Variants in FAT2 observed in about 807,000 individuals in gnomAD.
FAT2 encodes FAT atypical cadherin 2.
A neutral mutation model predicts 295.3 loss-of-function variants in FAT2; 150 were observed. That is an observed-to-expected ratio of 0.51 (90% CI 0.44 to 0.58). The LOEUF is 0.58. Among genes scored for constraint, FAT2 ranks in the 20% least tolerant of loss-of-function variants. FAT2 has a pLI of 0.00. For missense variants in FAT2, 4,868 were observed against 5,442.7 expected (o/e 0.89, Z 3.32); for synonymous variants, 2,026 against 2,150.3 (o/e 0.94, Z 1.60).
chr5:151,512,571 A>G lies in FAT2; in HGVS notation c.11499T>C (p.Cys3833=). ...AAAGGTTTCCATAGAAACCACCCAG[A>G]CAGTGGTATTCCAGCTGGGGCACTC... ...ASGVPQLEYH[C]LGGFYGNLSS... is the part of the protein sequence containing the mutation. The change falls in exon 21 of 24, where the codon TGT becomes TGC. Residue 3833 remains cysteine, a synonymous_variant. Coordinates refer to ENST00000261800, the MANE Select transcript of FAT2 (RefSeq NM_001447.3). This position sits in a 1 kb window ranked among gnomAD's most constrained non-coding sequence, Gnocchi z 4.1. 6.2e-7 allele frequency: 1 copy of G among 1,613,650 alleles called. No individual in the cohort carries two copies.
Position 151,507,465 on chromosome 5 carries a change from T to G in FAT2, c.12206A>C (p.Tyr4069Ser), listed in dbSNP as rs1320947638. ...CTTGTGAGACTTGCAACGGCGGCAG[T>G]AGAAGAGAAGCCCGACAGTGCTTAT... ...IIISTVGLLFYCRRCKSHKPV... is the reference protein window; with the variant it reads ...IIISTVGLLFSCRRCKSHKPV... The change falls in exon 23 of 24, where the codon TAC becomes TCC. Residue 4069 changes from tyrosine (Y) to serine (S), a missense_variant. Transcript: ENST00000261800. 6.2e-7 allele frequency: 1 copy of G among 1,614,068 alleles called. No homozygotes were observed. The highest frequency in any genetic ancestry group is 1.3e-5 in the African/African-American group (1 of 75,010).
chr5:151,535,667 C>T (rs990004788), intron 12 of FAT2, among the ~76,000 whole-genome samples: 8 of 152,150 alleles, frequency 5.3e-5, no homozygotes, highest in Non-Finnish European at 1.2e-4. Context: ...AAGAAGGAGT[C>T]GTGGGAGCCC....
At chr5:151,521,148 G>T in intron 19 of FAT2, 128 bp downstream of exon 19, 3 of 872,832 alleles carry the variant, frequency 3.4e-6, no homozygotes, top group Non-Finnish European at 5.1e-6. Flanking sequence ...TATGGTGATT[G>T]GTGGCCTTTG....
chr5:151,566,186 C>G lies in FAT2; in HGVS notation c.2746G>C (p.Glu916Gln), dbSNP rs2127645476. The change falls in exon 2 of 24, where the codon GAG becomes CAG. Residue 916 changes from glutamate (E) to glutamine (Q), a missense_variant. Physicochemically the swap from Glu to Gln is conservative, Grantham distance 29. Transcript: ENST00000261800. ...FSVTDLIITL[E>Q]DVNDNSPQCI... ...TGGGGAGAGTTGTCGTTGACATCCT[C>G]CAATGTGATTATCAGGTCAGTGACA... The G allele has an allele frequency of 2.5e-6, 4 of 1,614,124 alleles. 1 individual carries two copies. Among genetic ancestry groups the G allele is most frequent in the South Asian group, 1.1e-5 (1 of 91,064 alleles).
intron 7 of FAT2, 55 bp from the exon 8 acceptor site, chr5:151,550,926 T>G (rs1429960972): frequency 6.5e-7 from 1 of 1,549,934 alleles, no homozygotes; most frequent in Non-Finnish European, 8.8e-7. Flanking sequence ...GAACAGGGAC[T>G]GGGTCTGTCT....
At position 151,528,023 on chromosome 5, in the gene FAT2, C is replaced by G. The variant is rs771593997; in HGVS notation, c.10137G>C (p.Gln3379His). Residue 3379 changes from glutamine to histidine, a missense_variant, in exon 16 of 24, where the codon CAG (glutamine) becomes CAC (histidine). Gln to His is a conservative substitution (Grantham distance 24, BLOSUM62 0). Coordinates refer to ENST00000261800, the MANE Select transcript of FAT2 (RefSeq NM_001447.3). Reference protein sequence around the residue: ...FTIHPKKGELQVAKALDREQA... With the variant: ...FTIHPKKGELHVAKALDREQA... ...GTTCCCGGTCCAGGGCCTTGGCCAC[C>G]TGTAGCTCCCCCTTTTTGGGGTGAA... The G allele has an allele frequency of 6.2e-7, 1 of 1,614,236 alleles. No individual in the cohort carries two copies. Among genetic ancestry groups the G allele is most frequent in the South Asian group, 1.1e-5 (1 of 91,080 alleles).
At position 151,568,486 on chromosome 5, in the gene FAT2, G is replaced by A. The variant is rs778216073; in HGVS notation, c.446C>T (p.Ser149Phe). 8 of 1,614,058 alleles carry A rather than the reference G, an allele frequency of 5.0e-6. 1 individual carries two copies. The Admixed American group carries it at 6.7e-5, about 13-fold the overall frequency. Residue 149 changes from serine to phenylalanine, a missense_variant, in exon 2 of 24, where the codon TCT becomes TTT. Coordinates refer to ENST00000261800, the MANE Select transcript of FAT2 (RefSeq NM_001447.3). ...LDQNDLKPLFSPPSYRVTISE... is the reference protein window; with the variant it reads ...LDQNDLKPLFFPPSYRVTISE... ...GATGGTGACTCTGTACGAAGGTGGA[G>A]AGAAGAGAGGCTTCAGGTCATTCTG...
chr5:151,540,147 A>G (rs1755953418), intron 11 of FAT2, among the ~76,000 whole-genome samples: 1 of 152,210 alleles, frequency 6.6e-6, no homozygotes, highest in African/African-American at 2.4e-5. Context: ...TGTTCTGCAG[A>G]GAAATAGACC....
rs751461244 is a variant in FAT2 at position 151,521,280 on chromosome 5, G to T, written c.11313C>A (p.Cys3771Ter). ...PRHHLQRSCS[C>*]NGTATRFSGQ... ...TAGGGAAGATGTAGTACTTACCATT[G>T]CAGGAGCAGCTCCTCTGCAGGTGGT... Residue 3771 changes from cysteine (C) to a stop codon, truncating the protein, a stop_gained, in exon 19 of 24, where the codon TGC (cysteine) becomes TGA (stop). Transcript: ENST00000261800. LOFTEE classifies it high-confidence loss of function. 6.2e-7 allele frequency: 1 copy of T among 1,604,782 alleles called. No individual in the cohort carries two copies. Among genetic ancestry groups the T allele is most frequent in the Non-Finnish European group, 8.5e-7 (1 of 1,173,934 alleles).
At chr5:151,533,101 TAGG>T (rs1291591736) in intron 13 of FAT2, among the ~76,000 whole-genome samples, 1 of 152,112 alleles carries the variant, frequency 6.6e-6, no homozygotes, top group Admixed American at 6.6e-5. Flanking sequence ...AGGAGCTATC[TAGG>T]AGATCTGTGT....
At chr5:151,579,950 G>C (rs1194874265) in intron 1 of FAT2, among the ~76,000 whole-genome samples, 1 of 152,176 alleles carries the variant, frequency 6.6e-6, no homozygotes, top group Non-Finnish European at 1.5e-5. Flanking sequence ...AGGAGCCCCA[G>C]AGCCCCATTC....
intron 5 of FAT2, among the ~76,000 whole-genome samples, chr5:151,554,016 T>C (rs368665545): frequency 3.3e-5 from 5 of 152,336 alleles, no homozygotes; most frequent in Admixed American, 6.5e-5. Flanking sequence ...ATTTTACAAA[T>C]GATAAAGGTT....
Position 151,567,804 on chromosome 5 carries a change from A to G in FAT2, c.1128T>C (p.Pro376=). ...TCACCATCACCACGCGGCTGCCAGG[A>G]GGGGAAAACTCACTAAGCTGCACTC... ...VYRVQLSEFS[P]PGSRVVMVRV... The change falls in exon 2 of 24, where the codon CCT becomes CCC. Residue 376 remains proline, a synonymous_variant. Transcript: ENST00000261800. 1.2e-6 allele frequency: 2 copies of G among 1,614,118 alleles called. No individual in the cohort carries two copies. The highest frequency in any genetic ancestry group is 2.2e-5 in the South Asian group (2 of 91,068).
In FAT2 at chr5:151,544,434, C is replaced by G; in HGVS notation, c.6693G>C (p.Leu2231Phe). The change falls in exon 10 of 24, where the codon TTG becomes TTC. Residue 2231 changes from leucine (L) to phenylalanine (F), a missense_variant. This residue lies in a region of FAT2 where 3,297 missense variants were observed against 3,669.4 expected (regional missense o/e 0.90). Transcript: ENST00000261800. ...CATGTTTGGTCTTGGACTCATAGTC[C>G]AAAGGCCCTGTTACTGTTAGGACAC... The part of the protein sequence containing the change: ...KTGVLTVTGP[L>F]DYESKTKHVF... 6.2e-7 allele frequency: 1 copy of G among 1,614,116 alleles called. No individual in the cohort carries two copies. The highest frequency in any genetic ancestry group is 8.5e-7 in the Non-Finnish European group (1 of 1,180,026).
Position 151,551,181 on chromosome 5 carries a change from A to G in FAT2, c.4296+286T>C, listed in dbSNP as rs142095097. On this transcript the variant is annotated intron_variant, in intron 7 of 23. Transcript: ENST00000261800. ...AGCTAGAATAGAAATTCAGAGCCCC[A>G]CTTACCCAACCATCATCCCCCTATA... Among the ~76,000 whole-genome samples the G allele has an allele frequency of 7.0e-3, 1,071 of 152,296 alleles. 14 individuals are homozygous for G. The highest frequency in any genetic ancestry group is 0.025 in the African/African-American group (1,043 of 41,568).
chr5:151,523,084 A>G (rs1753647417), intron 18 of FAT2, among the ~76,000 whole-genome samples: 1 of 152,156 alleles, frequency 6.6e-6, no homozygotes, highest in Non-Finnish European at 1.5e-5. Flanking sequence ...GGGTCTCCAC[A>G]ATTTTCCCTG....
At chr5:151,584,268 C>T (rs1759081996) in intron 1 of FAT2, among the ~76,000 whole-genome samples, 1 of 152,062 alleles carries the variant, frequency 6.6e-6, no homozygotes, top group Non-Finnish European at 1.5e-5. Flanking sequence ...CTTTACCCTC[C>T]CCTGCCCGGC....
At chr5:151,573,158 G>T (rs114494715) in intron 1 of FAT2, among the ~76,000 whole-genome samples, 4,097 of 152,254 alleles carry the variant, frequency 0.027, 79 homozygotes, top group Non-Finnish European at 0.036. Flanking sequence ...CAACACACAG[G>T]CTCTGGCTGT....
Position 151,544,163 on chromosome 5 carries a change from A to C in FAT2, c.6964T>G (p.Phe2322Val). The C allele has an allele frequency of 6.2e-7, 1 of 1,614,238 alleles. No homozygotes were observed. The highest frequency in any genetic ancestry group is 8.5e-7 in the Non-Finnish European group (1 of 1,180,040). The change falls in exon 10 of 24, where the codon TTC becomes GTC. Residue 2322 changes from phenylalanine (F) to valine (V), a missense_variant. Coordinates refer to ENST00000261800, the MANE Select transcript of FAT2 (RefSeq NM_001447.3). Reference protein sequence around the residue: ...VEDGSDVSKFFQINGSTGEMS... With the variant: ...VEDGSDVSKFVQINGSTGEMS... ...TCCCCTGTGCTCCCATTGATCTGGAAGAACTTGGAAACATCTGAGCCATCC... is the reference window on the plus strand; with the variant it reads ...TCCCCTGTGCTCCCATTGATCTGGACGAACTTGGAAACATCTGAGCCATCC...
Sources: gnomAD v4.1 joint callset for allele counts (sites outside exome capture counted in the v4.1 genomes callset) on GRCh38, gnomAD v4.1.1 for gene constraint, gnomAD v4.1.1 regional missense constraint, Gnocchi (gnomAD v3.1) non-coding constraint, MANE v1.5 for transcripts, NCBI Gene and HGNC (gene_info 2026-07-23, HGNC 2026-07-21) for gene names.